The following U2SURP variants were observed in gnomAD, a reference collection of about 807,000 sequenced individuals.
The protein encoded by U2SURP is U2 snRNP associated SURP domain containing.
U2SURP carries 9 observed loss-of-function variants against 144.9 expected under a neutral mutation model. The observed-to-expected ratio is 0.06, with a 90% CI of 0.04 to 0.11. U2SURP has a LOEUF of 0.11. Ranked by LOEUF, U2SURP falls within the 10% of genes least tolerant of loss-of-function variation. The pLI is 1.00. For missense variants in U2SURP, 724 were observed against 1,226.7 expected (o/e 0.59, Z 6.12); for synonymous variants, 408 against 396.8 (o/e 1.03, Z -0.33).
intron 2 of U2SURP, chr3:143,011,978 T>C (rs1416701586): frequency 1.6e-6 from 1 of 612,184 alleles, no homozygotes; most frequent in African/African-American, 1.8e-5. Flanking sequence ...GTAACGAACC[T>C]GTTACTTCAA....
rs8831 is a variant in U2SURP at position 143,060,153 on chromosome 3, T to C, written c.*3703T>C. Reference sequence around the variant, plus strand: ...ATAATTGGTAATTTGTATAGTTTTGTAGATTGTAGATTAAATGCACTCATC... The same window carrying C: ...ATAATTGGTAATTTGTATAGTTTTGCAGATTGTAGATTAAATGCACTCATC... On this transcript the variant is annotated 3_prime_UTR_variant, in exon 28 of 28. Coordinates refer to ENST00000473835, the MANE Select transcript of U2SURP (RefSeq NM_001080415.2). 5 of 152,412 alleles carry C rather than the reference T, an allele frequency of 3.3e-5. No individual in the cohort carries two copies. Among genetic ancestry groups the C allele is most frequent in the Admixed American group, 2.0e-4 (3 of 15,252 alleles). The allele number at this position is 152,412 out of a possible 1,614,324, so 9.4% of individuals were successfully genotyped here.
At chr3:143,045,205 C>A (rs1934362734) in intron 24 of U2SURP, among the ~76,000 whole-genome samples, 1 of 151,896 alleles carries the variant, frequency 6.6e-6, no homozygotes, top group African/African-American at 2.4e-5. Flanking sequence ...CCGGTCTCTA[C>A]TAAAAATACA....
chr3:143,043,442 G>C (rs909158387), intron 24 of U2SURP, among the ~76,000 whole-genome samples, 166 bp downstream of exon 24: 1 of 152,048 alleles, frequency 6.6e-6, no homozygotes, highest in African/African-American at 2.4e-5. Context: ...TCAACCGTCT[G>C]TTCACTCACA....
At chr3:143,029,247 C>A (rs1933334527) in intron 16 of U2SURP, among the ~76,000 whole-genome samples, 1 of 152,186 alleles carries the variant, frequency 6.6e-6, no homozygotes, top group Admixed American at 6.5e-5. Context: ...GAATTAAGTA[C>A]AGACATACTT....
intron 10 of U2SURP, 71 bp downstream of exon 10, chr3:143,021,626 A>C: frequency 7.0e-7 from 1 of 1,435,692 alleles, no homozygotes; most frequent in South Asian, 1.3e-5. Context: ...TTAGTCAAAA[A>C]AAATCAAGAT....
chr3:143,026,846 A>AT (rs1388593098), intron 13 of U2SURP: 1 of 188,386 alleles, frequency 5.3e-6, no homozygotes, highest in African/African-American at 2.3e-5. Context: ...GTGATTTATA[A>AT]TTTAATGTTT....
At chr3:143,020,879 T>G (rs1205729116) in intron 8 of U2SURP, among the ~76,000 whole-genome samples, 186 bp downstream of exon 8, 2 of 152,164 alleles carry the variant, frequency 1.3e-5, no homozygotes, top group Non-Finnish European at 2.9e-5. Context: ...AGTAAGAGAT[T>G]AACAACAATA....
chr3:143,008,315 G>C (rs1052916767), intron 1 of U2SURP, among the ~76,000 whole-genome samples: 3 of 152,222 alleles, frequency 2.0e-5, no homozygotes, highest in African/African-American at 7.2e-5. Context: ...CTAGGTTCTT[G>C]TATCTTTTGT....
At chr3:143,046,461 C>A (rs1471902296) in intron 24 of U2SURP, among the ~76,000 whole-genome samples, 3 of 126,382 alleles carry the variant, frequency 2.4e-5, no homozygotes, top group African/African-American at 6.4e-5. Context: ...GGCAGAGGAC[C>A]CTGCGGCCTT....
chr3:143,025,952 A>C (rs541278983), intron 13 of U2SURP: 20 of 152,144 alleles, frequency 1.3e-4, no homozygotes, highest in Admixed American at 3.9e-4. Flanking sequence ...TTGTTCTATA[A>C]CTATATATTT....
At chr3:143,023,779 C>T (rs763801958) in intron 12 of U2SURP, among the ~76,000 whole-genome samples, 196 bp from the exon 13 acceptor site, 12 of 152,088 alleles carry the variant, frequency 7.9e-5, no homozygotes, top group African/African-American at 2.4e-4. Context: ...ATTTGGTGAA[C>T]GTTTATTGTT....
chr3:143,020,959 A>G (rs1936599203), intron 8 of U2SURP, among the ~76,000 whole-genome samples: 1 of 152,240 alleles, frequency 6.6e-6, no homozygotes, highest in South Asian at 2.1e-4. Flanking sequence ...TGGGAGGCCG[A>G]GGCAAGTGGA....
chr3:143,010,272 A>G (rs1198833216), intron 1 of U2SURP, among the ~76,000 whole-genome samples: 3 of 152,244 alleles, frequency 2.0e-5, no homozygotes, highest in Non-Finnish European at 2.9e-5. Context: ...GTGACATGCT[A>G]TCGAATCATC....
rs1210714772 is a variant in U2SURP, at chr3:143,053,675, GGAGAAA to G, written c.2665_2670del (p.Lys889_Glu890del). 4 of 1,366,660 alleles carry G rather than the reference GGAGAAA, an allele frequency of 2.9e-6. No homozygotes were observed. The highest frequency in any genetic ancestry group is 1.5e-5 in the African/African-American group (1 of 67,918). 84.7% of individuals were successfully genotyped at this position (1,366,660 alleles called of 1,614,324 possible). A position where few individuals can be genotyped will look rare whatever the true frequency, so the allele number is the denominator to read the frequency against. On this transcript the variant is annotated inframe_deletion and splice_region_variant, in exon 26 of 28. Coordinates refer to ENST00000473835, the MANE Select transcript of U2SURP (RefSeq NM_001080415.2). ...TTAATATTTTCTATAAAAAATAACA[GGAGAAA>G]GAGAAAGAGTTAGAAAGAGAACGAG...
Position 143,050,975 on chromosome 3 carries a change from G to A in U2SURP, c.2581G>A (p.Gly861Arg). The change falls in exon 25 of 28, where the codon GGG becomes AGG. Residue 861 changes from glycine to arginine, a missense_variant. Gly to Arg is a moderately radical substitution (Grantham distance 125, BLOSUM62 -2). Transcript: ENST00000473835. ...GAAGTTTCAGGATGAATTGGAATCT[G>A]GGAAAAGACCTAAAAAACCAGGCCA... ...VMKFQDELESGKRPKKPGQSF... is the reference protein window; with the variant it reads ...VMKFQDELESRKRPKKPGQSF... 1 of 1,612,942 alleles carries A rather than the reference G, an allele frequency of 6.2e-7. No individual in the cohort carries two copies. Among genetic ancestry groups the A allele is most frequent in the Non-Finnish European group, 8.5e-7 (1 of 1,179,392 alleles).
In U2SURP at chr3:143,058,861, A is replaced by G. The variant is rs778806697; in HGVS notation, c.*2411A>G. On this transcript the variant is annotated 3_prime_UTR_variant, in exon 28 of 28. Transcript: ENST00000473835. ...CCAGTTGCAGGAAAGATCATGTTCT[A>G]TCTGTGGACACTTACTGTCCTCTAC... 9.9e-5 allele frequency: 15 copies of G among 151,928 alleles called. No homozygotes were observed. The highest frequency in any genetic ancestry group is 2.1e-4 in the South Asian group (1 of 4,828). The allele number at this position is 151,928 out of a possible 1,614,324, so 9.4% of individuals were successfully genotyped here.
intron 24 of U2SURP, among the ~76,000 whole-genome samples, chr3:143,045,701 C>CT (rs1320560939): frequency 2.0e-5 from 3 of 152,204 alleles, no homozygotes; most frequent in Non-Finnish European, 4.4e-5. Context: ...CTGGCCTGTC[C>CT]TTTATGTATT....
chr3:143,033,508 A>G (rs899779663), intron 18 of U2SURP, among the ~76,000 whole-genome samples, 158 bp downstream of exon 18: 1 of 152,194 alleles, frequency 6.6e-6, no homozygotes, highest in Non-Finnish European at 1.5e-5. Flanking sequence ...CCAACCATGA[A>G]TTGAAAATAT....
intron 24 of U2SURP, among the ~76,000 whole-genome samples, chr3:143,050,004 CA>C (rs1934768539): frequency 1.3e-5 from 2 of 151,692 alleles, no homozygotes; most frequent in African/African-American, 2.4e-5. Context: ...AACAATGCTG[CA>C]ATGAATATCT....
Sources: gnomAD v4.1 joint callset for allele counts (sites outside exome capture counted in the v4.1 genomes callset) on GRCh38, gnomAD v4.1.1 for gene constraint, MANE v1.5 for transcripts, NCBI Gene and HGNC (gene_info 2026-07-23, HGNC 2026-07-21) for gene names.